DRC7: variants seen among roughly 807,000 people sequenced by gnomAD.
The protein encoded by DRC7 is coiled-coil domain containing 135.
Under a neutral mutation model 104.4 loss-of-function variants are expected in DRC7, and 80 were observed. That is an observed-to-expected ratio of 0.77 (90% CI 0.64 to 0.92). The LOEUF is 0.92. Among genes scored for constraint, DRC7 ranks in the 40% least tolerant of loss-of-function variants. The probability of loss-of-function intolerance (pLI) is 0.00; values close to 1 mark genes in which losing one functional copy is unlikely to be tolerated. For missense variants in DRC7, 1,034 were observed against 1,141.1 expected, an observed-to-expected ratio of 0.91 and a Z score of 1.35; for synonymous variants, 405 against 447.3, an observed-to-expected ratio of 0.91 and a Z score of 1.19.
At chr16:57,724,035 G>A (rs934586457) in intron 12 of DRC7, among the ~76,000 whole-genome samples, 5 of 152,158 alleles carry the variant, frequency 3.3e-5, no homozygotes, top group African/African-American at 4.8e-5. Flanking sequence ...AAACGTGTAC[G>A]CTTTTGGCTG....
chr16:57,731,226 C>T lies in DRC7; in HGVS notation c.2593C>T (p.Arg865Cys), dbSNP rs182810074. The change falls in exon 19 of 19, where the codon CGC becomes TGC. Residue 865 changes from arginine (R) to cysteine (C), a missense_variant. Coordinates refer to ENST00000360716, the MANE Select transcript of DRC7 (RefSeq NM_001289162.2). ...ALEEKLYKDP[R>C]LGELQKIFA ...GGAGGAAAAGCTCTACAAGGACCCA[C>T]GCCTGGGGGAGCTCCAGAAAATATT... 30 of 1,613,730 alleles carry T rather than the reference C, an allele frequency of 1.9e-5. No individual in the cohort carries two copies. The highest frequency in any genetic ancestry group is 6.6e-5 in the South Asian group (6 of 91,088).
At chr16:57,723,486 G>C (rs573059681) in intron 12 of DRC7, among the ~76,000 whole-genome samples, 3 of 152,284 alleles carry the variant, frequency 2.0e-5, no homozygotes, top group African/African-American at 7.2e-5. Flanking sequence ...TAATCCAAGC[G>C]CTTTGGGAGG....
rs769681818 is a variant in DRC7, at chr16:57,723,164, G to C, written c.1537+34G>C. 2.5e-6 allele frequency: 4 copies of C among 1,607,892 alleles called. No homozygotes were observed. The South Asian group carries it at 4.4e-5, about 18-fold the overall frequency. On this transcript the variant is annotated intron_variant, in intron 12 of 18. Coordinates refer to ENST00000360716, the MANE Select transcript of DRC7 (RefSeq NM_001289162.2). ...CTCCCCTTTCCTGGGCCACCCAGGA[G>C]CCTGGGGTAGAGGCCTCACACACCC... is the stretch of plus-strand genomic sequence containing the variant.
intron 4 of DRC7, 87 bp from the exon 5 acceptor site, chr16:57,700,058 C>G (rs555839022): frequency 1.3e-6 from 2 of 1,483,202 alleles, no homozygotes; most frequent in African/African-American, 1.4e-5. Context: ...CCTCTAGGGT[C>G]CCCCTGTGGA....
At chr16:57,705,158 A>T in intron 7 of DRC7, 124 bp downstream of exon 7, 1 of 1,108,270 alleles carries the variant, frequency 9.0e-7, no homozygotes, top group South Asian at 1.6e-5. Context: ...CCACCTCACA[A>T]TCACCCCCAA....
At chr16:57,709,403 T>C (rs1448022325) in intron 8 of DRC7, among the ~76,000 whole-genome samples, 1 of 152,228 alleles carries the variant, frequency 6.6e-6, no homozygotes, top group East Asian at 1.9e-4. Flanking sequence ...TCAGTCCTGA[T>C]TCACAAGTAA....
chr16:57,726,494 A>G, intron 14 of DRC7: 1 of 590,318 alleles, frequency 1.7e-6, no homozygotes, highest in Non-Finnish European at 3.0e-6. Context: ...CAAAAAAGCG[A>G]ACTCAGCAGG....
intron 9 of DRC7, among the ~76,000 whole-genome samples, chr16:57,719,904 A>T (rs2923138): frequency 1.3e-5 from 2 of 152,100 alleles, no homozygotes; most frequent in African/African-American, 4.8e-5. Flanking sequence ...TCATTCAAAC[A>T]GTAAGTGATC....
In DRC7 at chr16:57,723,129, C is replaced by T. The variant is rs111266074; in HGVS notation, c.1536C>T (p.Arg512=). 42 of 1,613,050 alleles carry T rather than the reference C, an allele frequency of 2.6e-5. No individual in the cohort carries two copies. The highest frequency in any genetic ancestry group is 1.1e-4 in the African/African-American group (8 of 75,016). Reference sequence around the variant, plus strand: ...AGCCTGGCCACCCCCAGGCTCTGCGCGGTGCGTGGCTCCCCTTTCCTGGGC... The same window carrying T: ...AGCCTGGCCACCCCCAGGCTCTGCGTGGTGCGTGGCTCCCCTTTCCTGGGC... ...YFKPGHPQAL[R]VHSYKSMQPE... is the part of the protein sequence containing the mutation. Residue 512 remains arginine (R), a splice_region_variant and synonymous_variant, in exon 12 of 19, where the codon CGC becomes CGT. Coordinates refer to ENST00000360716, the MANE Select transcript of DRC7 (RefSeq NM_001289162.2).
At chr16:57,727,457 T>C in intron 16 of DRC7, 48 bp downstream of exon 16, 1 of 1,414,396 alleles carries the variant, frequency 7.1e-7, no homozygotes, top group Non-Finnish European at 1.0e-6. Flanking sequence ...TAGACCCCCC[T>C]GGTCTCCAGG....
chr16:57,724,578 T>G (rs1335926752), intron 12 of DRC7, 37 bp from the exon 13 acceptor site: 1 of 1,491,668 alleles, frequency 6.7e-7, no homozygotes. Context: ...CTAGTGCTTA[T>G]GAAGCTGTCT....
At chr16:57,706,002 C>G (rs2048718860) in intron 7 of DRC7, among the ~76,000 whole-genome samples, 1 of 126,494 alleles carries the variant, frequency 7.9e-6, no homozygotes, top group African/African-American at 2.8e-5. Flanking sequence ...TCCATCCATC[C>G]TCCCACCATC....
chr16:57,727,518 G>A (rs1196597588), intron 16 of DRC7, 109 bp downstream of exon 16: 24 of 745,538 alleles, frequency 3.2e-5, no homozygotes, highest in South Asian at 1.7e-4. Flanking sequence ...TGGGGGATAC[G>A]GTTATTGATA....
chr16:57,710,583 C>A (rs2048782463), intron 8 of DRC7, among the ~76,000 whole-genome samples: 1 of 152,154 alleles, frequency 6.6e-6, no homozygotes, highest in Non-Finnish European at 1.5e-5. Context: ...TTACGGAGAG[C>A]ATTTAGTCTG....
intron 8 of DRC7, among the ~76,000 whole-genome samples, chr16:57,709,853 T>C (rs1371309790): frequency 6.6e-6 from 1 of 152,188 alleles, no homozygotes; most frequent in African/African-American, 2.4e-5. Context: ...CACTGCAACC[T>C]CTGGACTCAA....
chr16:57,727,281 C>T lies in DRC7; in HGVS notation c.2086-18C>T, dbSNP rs2048981237. The T allele has an allele frequency of 3.1e-6, 5 of 1,606,884 alleles. No individual in the cohort carries two copies. Among genetic ancestry groups the T allele is most frequent in the Non-Finnish European group, 4.3e-6 (5 of 1,174,426 alleles). ...GGAGGGGTGTCTCCATCACGCCCTC[C>T]AACACTTCTCATTTCAGGTGCTGGA... On this transcript the variant is annotated intron_variant, in intron 15 of 18. Coordinates refer to ENST00000360716, the MANE Select transcript of DRC7 (RefSeq NM_001289162.2).
chr16:57,725,751 T>C (rs2048955097), intron 13 of DRC7: 2 of 318,392 alleles, frequency 6.3e-6, no homozygotes, highest in East Asian at 1.1e-4. Flanking sequence ...CCAAAGAAGC[T>C]CTTTCTAGCA....
chr16:57,712,635 G>A (rs759391493), intron 8 of DRC7, among the ~76,000 whole-genome samples: 12 of 151,828 alleles, frequency 7.9e-5, no homozygotes, highest in Non-Finnish European at 1.8e-4. Flanking sequence ...TTCTTAAGGT[G>A]GAAGCTGAGA....
chr16:57,700,014 G>A, intron 4 of DRC7, 131 bp from the exon 5 acceptor site: 2 of 1,066,892 alleles, frequency 1.9e-6, no homozygotes, highest in Non-Finnish European at 2.7e-6. Flanking sequence ...GCCACCCCAG[G>A]TCATGTGGGC....
Sources: gnomAD v4.1 joint callset for allele counts (sites outside exome capture counted in the v4.1 genomes callset) on GRCh38, gnomAD v4.1.1 for gene constraint, MANE v1.5 for transcripts, NCBI Gene and HGNC (gene_info 2026-07-23, HGNC 2026-07-21) for gene names.